NRG1: variants seen among roughly 807,000 people sequenced by gnomAD.
The protein encoded by NRG1 is pro-neuregulin-1, membrane-bound isoform.
In NRG1, 18 loss-of-function variants were observed where a neutral mutation model predicts 63.8. The observed-to-expected ratio is 0.28, with a 90% CI of 0.19 to 0.42. The LOEUF is 0.42. Among genes scored for constraint, NRG1 ranks in the 10% least tolerant of loss-of-function variants. The pLI is 1.00. For missense variants in NRG1, 762 were observed against 814.7 expected (o/e 0.94, Z 0.79); for synonymous variants, 302 against 301.3 (o/e 1.00, Z -0.02).
intron 1 of NRG1, among the ~76,000 whole-genome samples, chr8:31,951,561 A>G (rs1200960932): frequency 2.0e-5 from 3 of 152,226 alleles, no homozygotes; most frequent in African/African-American, 7.2e-5. Flanking sequence ...CAGTCCATCT[A>G]AAAATATCTA....
chr8:31,919,212 G>T (rs372565432), intron 1 of NRG1, among the ~76,000 whole-genome samples: 11 of 151,858 alleles, frequency 7.2e-5, no homozygotes, highest in Admixed American at 1.3e-4. Context: ...CTTCCGTTCT[G>T]CTCTGATCTT....
At chr8:31,808,303 T>C (rs1037988673) in intron 1 of NRG1, among the ~76,000 whole-genome samples, 2 of 152,074 alleles carry the variant, frequency 1.3e-5, no homozygotes, top group Non-Finnish European at 2.9e-5. Flanking sequence ...TTCACATTAT[T>C]TCATCTTTTG....
At chr8:31,867,654 A>G (rs939108431) in intron 1 of NRG1, among the ~76,000 whole-genome samples, 18 of 152,282 alleles carry the variant, frequency 1.2e-4, no homozygotes, top group African/African-American at 4.1e-4. Context: ...GTATCACCAA[A>G]TATTAGCTGT....
intron 1 of NRG1, among the ~76,000 whole-genome samples, chr8:31,807,034 A>C (rs1822352170): frequency 6.6e-6 from 1 of 152,256 alleles, no homozygotes; most frequent in Non-Finnish European, 1.5e-5. Context: ...ATGATTAAAA[A>C]GACAATGCTT....
intron 5 of NRG1, among the ~76,000 whole-genome samples, chr8:32,677,373 T>G (rs1807407414): frequency 6.6e-6 from 1 of 152,134 alleles, no homozygotes; most frequent in African/African-American, 2.4e-5. Flanking sequence ...AGAATATAAT[T>G]AAGCTTGGCT....
intron 1 of NRG1, among the ~76,000 whole-genome samples, chr8:32,471,751 G>GATA (rs1322919825): frequency 1.3e-5 from 2 of 152,072 alleles, no homozygotes; most frequent in Non-Finnish European, 2.9e-5. Flanking sequence ...GTCTATTCTT[G>GATA]AGTCAACCTA....
intron 1 of NRG1, among the ~76,000 whole-genome samples, chr8:31,661,868 G>A (rs1806027355): frequency 6.6e-6 from 1 of 152,172 alleles, no homozygotes; most frequent in African/African-American, 2.4e-5. Context: ...CACTGGGCTA[G>A]GTGTTACAGA....
intron 1 of NRG1, among the ~76,000 whole-genome samples, chr8:32,141,580 C>T (rs1836267821): frequency 2.4e-5 from 2 of 82,522 alleles, no homozygotes; most frequent in African/African-American, 4.5e-5. Flanking sequence ...TATACATATC[C>T]TATGTGTGTG....
intron 1 of NRG1, among the ~76,000 whole-genome samples, chr8:32,354,902 AATG>A (rs1004912829): frequency 1.3e-5 from 2 of 151,574 alleles, no homozygotes; most frequent in African/African-American, 2.4e-5. Flanking sequence ...GTGAGAAAAT[AATG>A]ATATTACAGA....
intron 1 of NRG1, among the ~76,000 whole-genome samples, chr8:32,145,949 G>T (rs1419075727): frequency 6.6e-6 from 1 of 152,146 alleles, no homozygotes; most frequent in African/African-American, 2.4e-5. Flanking sequence ...TTTATGGGAG[G>T]TGATGTACAG....
At chr8:32,542,653 G>A (rs1333564669) in intron 1 of NRG1, among the ~76,000 whole-genome samples, 1 of 152,204 alleles carries the variant, frequency 6.6e-6, no homozygotes, top group Non-Finnish European at 1.5e-5. Flanking sequence ...CAGGCATGGT[G>A]CAAGGAGGCC....
chr8:32,482,549 C>A (rs1290336006), intron 1 of NRG1, among the ~76,000 whole-genome samples: 1 of 152,098 alleles, frequency 6.6e-6, no homozygotes, highest in Non-Finnish European at 1.5e-5. Context: ...ATCTCAGTAT[C>A]CCTGCTTCCC....
At chr8:31,745,457 G>C (rs1484124787) in intron 1 of NRG1, among the ~76,000 whole-genome samples, 4 of 151,936 alleles carry the variant, frequency 2.6e-5, no homozygotes, top group Non-Finnish European at 4.4e-5. Flanking sequence ...TGTTAAATTG[G>C]ACAAGTTTAG....
At chr8:32,309,574 A>G (rs1268673092) in intron 1 of NRG1, among the ~76,000 whole-genome samples, 1 of 152,202 alleles carries the variant, frequency 6.6e-6, no homozygotes, top group African/African-American at 2.4e-5. Context: ...CTAAGAGCTA[A>G]AAGGAGGATT....
chr8:31,688,620 A>G (rs370616491), intron 1 of NRG1, among the ~76,000 whole-genome samples: 1 of 152,238 alleles, frequency 6.6e-6, no homozygotes, highest in Non-Finnish European at 1.5e-5. Flanking sequence ...TGCCGACTAT[A>G]CACATATATA....
At chr8:31,982,877 G>A (rs995971601) in intron 1 of NRG1, among the ~76,000 whole-genome samples, 1 of 152,044 alleles carries the variant, frequency 6.6e-6, no homozygotes, top group Non-Finnish European at 1.5e-5. Flanking sequence ...CTTATTTTGG[G>A]CATGGCAATG....
chr8:31,776,334 G>A (rs955396683), intron 1 of NRG1, among the ~76,000 whole-genome samples: 2 of 152,182 alleles, frequency 1.3e-5, no homozygotes, highest in Non-Finnish European at 2.9e-5. Context: ...GGCTCCTTGG[G>A]TTTCTGTGAA....
intron 1 of NRG1, among the ~76,000 whole-genome samples, chr8:31,963,222 A>G (rs1805762353): frequency 6.6e-6 from 1 of 152,264 alleles, no homozygotes; most frequent in African/African-American, 2.4e-5. Flanking sequence ...AGGGCTAATT[A>G]GCAGACATGA....
At chr8:32,389,584 C>T (rs1264244209) in intron 1 of NRG1, among the ~76,000 whole-genome samples, 2 of 152,106 alleles carry the variant, frequency 1.3e-5, no homozygotes, top group African/African-American at 2.4e-5. Flanking sequence ...ATCTGTATTG[C>T]CATCACCCTA....
Sources: allele counts gnomAD v4.1 joint callset (sites outside exome capture counted in the v4.1 genomes callset), GRCh38; gene constraint gnomAD v4.1.1; transcripts MANE v1.5; gene names NCBI Gene and HGNC (gene_info 2026-07-23, HGNC 2026-07-21).